Variants in ARHGAP6 observed in about 807,000 individuals in gnomAD.
The protein encoded by ARHGAP6 is Rho GTPase activating protein 6.
ARHGAP6 carries 16 observed loss-of-function variants against 55.7 expected under a neutral mutation model. The observed-to-expected ratio is 0.29, with a 90% CI of 0.19 to 0.44. ARHGAP6 has a LOEUF of 0.44. Among genes scored for constraint, ARHGAP6 ranks in the 20% least tolerant of loss-of-function variants. ARHGAP6 has a pLI of 1.00. For missense variants in ARHGAP6, 698 were observed against 808.9 expected (o/e 0.86, Z 1.66); for synonymous variants, 382 against 360.9 (o/e 1.06, Z -0.66).
chrX:11,575,673 G>T (rs749443478), intron 1 of ARHGAP6, among the ~76,000 whole-genome samples: 2 of 112,340 alleles, frequency 1.8e-5, no homozygotes, highest in Non-Finnish European at 3.8e-5. Flanking sequence ...TCTGACAAGG[G>T]ATTAAAAGGA....
At chrX:11,176,623 G>A (rs1428512901) in intron 8 of ARHGAP6, among the ~76,000 whole-genome samples, 1 of 109,398 alleles carries the variant, frequency 9.1e-6, no homozygotes, top group African/African-American at 3.3e-5. Flanking sequence ...AAATGTCAGA[G>A]AAGTAACTGG....
At position 11,139,300 on chromosome X, in the gene ARHGAP6, C is replaced by T. The variant is rs944779565; in HGVS notation, c.2488G>A (p.Ala830Thr). 6 of 1,185,446 alleles carry T rather than the reference C, an allele frequency of 5.1e-6. No homozygotes were observed. Among genetic ancestry groups the T allele is most frequent in the Middle Eastern group, 2.3e-4 (1 of 4,345 alleles). The change falls in exon 13 of 13, where the codon GCC (alanine) becomes ACC (threonine). Residue 830 changes from alanine to threonine, a missense_variant. Transcript: ENST00000337414. Reference protein sequence around the residue: ...STPHVQVAGKAERPTARSEQY... With the variant: ...STPHVQVAGKTERPTARSEQY... ...TCCGACCTGGCCGTGGGCCGCTCGGCTTTCCCTGCCACCTGGACGTGGGGC... is the reference window on the plus strand; with the variant it reads ...TCCGACCTGGCCGTGGGCCGCTCGGTTTTCCCTGCCACCTGGACGTGGGGC...
At chrX:11,553,243 ATTTTT>A (rs35101240) in intron 1 of ARHGAP6, among the ~76,000 whole-genome samples, 7 of 98,353 alleles carry the variant, frequency 7.1e-5, no homozygotes, top group African/African-American at 2.6e-4. Context: ...TGCTTAGAAC[ATTTTT>A]TTTTTTTTTT....
chrX:11,224,576 T>G (rs2047018896), intron 2 of ARHGAP6, among the ~76,000 whole-genome samples: 1 of 110,980 alleles, frequency 9.0e-6, no homozygotes, highest in Non-Finnish European at 1.9e-5. Flanking sequence ...TGTGCAAGAG[T>G]AACTTTAGGG....
At chrX:11,385,963 C>T (rs745608254) in intron 1 of ARHGAP6, among the ~76,000 whole-genome samples, 3 of 112,449 alleles carry the variant, frequency 2.7e-5, no homozygotes, top group East Asian at 2.8e-4. Context: ...AACCCACAAG[C>T]AAAAGCTAAG....
intron 3 of ARHGAP6, among the ~76,000 whole-genome samples, chrX:11,193,778 G>T (rs1460553906): frequency 1.8e-5 from 2 of 112,338 alleles, no homozygotes; most frequent in Non-Finnish European, 3.8e-5. Context: ...AGTATGTATT[G>T]TTCGATTACT....
chrX:11,463,822 G>C (rs2050268108), intron 1 of ARHGAP6, among the ~76,000 whole-genome samples: 3 of 112,367 alleles, frequency 2.7e-5, no homozygotes, highest in Non-Finnish European at 5.6e-5. Flanking sequence ...ACCGCATTTA[G>C]TGTTCGAAGT....
At chrX:11,205,665 G>A (rs745593618) in intron 2 of ARHGAP6, among the ~76,000 whole-genome samples, 3 of 110,998 alleles carry the variant, frequency 2.7e-5, no homozygotes, top group Non-Finnish European at 5.7e-5. Context: ...TTTTCTACTG[G>A]AGTACCTTTT....
rs935591817 is a variant in ARHGAP6, at chrX:11,463,089, T to A, written c.588+201152A>T. Among the ~76,000 whole-genome samples the A allele has an allele frequency of 2.7e-5, 3 of 112,157 alleles. No individual in the cohort carries two copies. The Admixed American group carries it at 2.8e-4, about 11-fold the overall frequency. Reference sequence around the variant, plus strand: ...ATTGGTGGATTTCTCTCTTTCTGCATCCAGTACAGAACTGCAGGATCCAAA... The same window carrying A: ...ATTGGTGGATTTCTCTCTTTCTGCAACCAGTACAGAACTGCAGGATCCAAA... On this transcript the variant is annotated intron_variant, in intron 1 of 12. Coordinates refer to ENST00000337414, the MANE Select transcript of ARHGAP6 (RefSeq NM_013427.3).
At chrX:11,428,523 A>G (rs1038024371) in intron 1 of ARHGAP6, among the ~76,000 whole-genome samples, 1 of 112,265 alleles carries the variant, frequency 8.9e-6, no homozygotes, top group African/African-American at 3.2e-5. Flanking sequence ...CCACAAGTTG[A>G]GCCCAGAGGA....
rs746003350 is a variant in ARHGAP6 at position 11,511,635 on chromosome X, T to A, written c.588+152606A>T. On this transcript the variant is annotated intron_variant, in intron 1 of 12. Transcript: ENST00000337414. ...TATGCCTGATCCTGCAACTAAGTCA[T>A]AGGATTCCCTGGACCCATTGATATT... is the stretch of plus-strand genomic sequence containing the variant. 9.8e-5 allele frequency among the ~76,000 whole-genome samples: 11 copies of A among 111,883 alleles called. No homozygotes were observed. The South Asian group carries it at 4.1e-3, about 42-fold the overall frequency.
intron 1 of ARHGAP6, among the ~76,000 whole-genome samples, chrX:11,313,674 C>G (rs1297274104): frequency 8.9e-6 from 1 of 112,372 alleles, no homozygotes; most frequent in Non-Finnish European, 1.9e-5. Flanking sequence ...GTGCATTTGT[C>G]TATTGGCTGT....
chrX:11,470,068 T>C (rs2050333094), intron 1 of ARHGAP6, among the ~76,000 whole-genome samples: 1 of 112,003 alleles, frequency 8.9e-6, no homozygotes, highest in Non-Finnish European at 1.9e-5. Flanking sequence ...TTGTAAGTTG[T>C]AGGTATGTTG....
In ARHGAP6 at chrX:11,587,109, T is replaced by C. The variant is rs138107772; in HGVS notation, c.588+77132A>G. ...GGGTTTTCTAGATATAGGATCATGC[T>C]GTCTACAAACAGGGATAGTTGGACT... On this transcript the variant is annotated intron_variant, in intron 1 of 12. Coordinates refer to ENST00000337414, the MANE Select transcript of ARHGAP6 (RefSeq NM_013427.3). Among the ~76,000 whole-genome samples the C allele has an allele frequency of 4.0e-3, 447 of 111,749 alleles. 2 individuals are homozygous for C. Among genetic ancestry groups the C allele is most frequent in the African/African-American group, 0.013 (399 of 30,765 alleles).
At chrX:11,321,327 A>G (rs929113121) in intron 1 of ARHGAP6, among the ~76,000 whole-genome samples, 4 of 112,055 alleles carry the variant, frequency 3.6e-5, no homozygotes, top group African/African-American at 6.5e-5. Flanking sequence ...AATTTGTTCA[A>G]TTGGGCACAA....
chrX:11,251,824 C>T (rs1220695335), intron 2 of ARHGAP6, among the ~76,000 whole-genome samples: 1 of 111,907 alleles, frequency 8.9e-6, no homozygotes, highest in African/African-American at 3.2e-5. Context: ...ACCAGCCACA[C>T]ATTCCAAGGA....
rs888145588 is a variant in ARHGAP6, at chrX:11,664,472, G to C, written c.357C>G (p.His119Gln). The change falls in exon 1 of 13, where the codon CAC (histidine) becomes CAG (glutamine). Residue 119 changes from histidine to glutamine, a missense_variant. By Grantham distance (24) the His-to-Gln change is conservative. Coordinates refer to ENST00000337414, the MANE Select transcript of ARHGAP6 (RefSeq NM_013427.3). ...PQEKSPSGSFHFDYEVPLGRG... is the reference protein window; with the variant it reads ...PQEKSPSGSFQFDYEVPLGRG... ...GACCCAGGGGAACCTCATAGTCAAA[G>C]TGAAAGCTGCCGGATGGTGACTTCT... The C allele has an allele frequency of 1.7e-6, 2 of 1,210,581 alleles. No homozygotes were observed. The highest frequency in any genetic ancestry group is 2.2e-6 in the Non-Finnish European group (2 of 894,740).
chrX:11,349,358 C>T (rs2048828548), intron 1 of ARHGAP6, among the ~76,000 whole-genome samples: 1 of 111,147 alleles, frequency 9.0e-6, no homozygotes, highest in Non-Finnish European at 1.9e-5. Flanking sequence ...GTATTTATCA[C>T]CATCTCACTT....
At chrX:11,655,619 C>T (rs2052629304) in intron 1 of ARHGAP6, among the ~76,000 whole-genome samples, 1 of 112,018 alleles carries the variant, frequency 8.9e-6, no homozygotes, top group African/African-American at 3.2e-5. Flanking sequence ...ATTCACGTTT[C>T]CCTAATAGCT....
Sources: allele counts gnomAD v4.1 joint callset (sites outside exome capture counted in the v4.1 genomes callset), GRCh38; gene constraint gnomAD v4.1.1; transcripts MANE v1.5; gene names NCBI Gene and HGNC (gene_info 2026-07-23, HGNC 2026-07-21).